Variants in MUC6 observed in about 807,000 individuals in gnomAD.
The protein encoded by MUC6 is mucin 6, oligomeric mucus/gel-forming (gene/pseudogene).
MUC6 carries 188 observed loss-of-function variants against 201.5 expected under a neutral mutation model. The ratio of observed to expected loss-of-function variants is 0.93; its 90% CI spans 0.83 to 1.05. The LOEUF is 1.05. Among genes scored for constraint, MUC6 ranks in the 50% least tolerant of loss-of-function variants. MUC6 has a pLI of 0.00. For synonymous variants in MUC6, 1,228 were observed against 1,389.4 expected, an observed-to-expected ratio of 0.88 and a Z score of 2.58; for missense variants, 2,706 against 3,256.9, an observed-to-expected ratio of 0.83 and a Z score of 4.12.
At chr11:1,028,481 C>A in intron 13 of MUC6, 94 bp from the exon 14 acceptor site, 1 of 1,549,258 alleles carries the variant, frequency 6.5e-7, no homozygotes, top group Admixed American at 1.8e-5. Flanking sequence ...CCTCTAACAG[C>A]ACCCTGGGTG....
In MUC6 at chr11:1,028,715, C is replaced by A; in HGVS notation, c.1522G>T (p.Val508Leu). 6.2e-7 allele frequency: 1 copy of A among 1,612,076 alleles called. No homozygotes were observed. Among genetic ancestry groups the A allele is most frequent in the Non-Finnish European group, 8.5e-7 (1 of 1,179,576 alleles). Residue 508 changes from valine (V) to leucine (L), a missense_variant, in exon 13 of 33, where the codon GTG (valine) becomes TTG (leucine). This residue lies in a region of MUC6 where 1,850 missense variants were observed against 1,958.3 expected (regional missense o/e 0.94). Coordinates refer to ENST00000421673, the MANE Select transcript of MUC6 (RefSeq NM_005961.3). ...QMATSFGLELVVQLRPIFQAY... is the reference protein window; with the variant it reads ...QMATSFGLELLVQLRPIFQAY... ...TGGAAGATGGGGCGCAGCTGGACCA[C>A]GAGCTCCAGCCCGAAGCTGGTGGCC...
In MUC6 at chr11:1,029,602, A is replaced by C. The variant is rs374465099; in HGVS notation, c.1029T>G (p.Asn343Lys). The C allele has an allele frequency of 1.4e-5, 23 of 1,594,910 alleles. No homozygotes were observed. Among genetic ancestry groups the C allele is most frequent in the Non-Finnish European group, 2.0e-5 (23 of 1,168,586 alleles). ...GCFCPEGTVL[N>K]DLSNNHTCVP... ...CGCAGGTGTGGTTATTGGAGAGGTC[A>C]TTCAGGACCGTACCTGCAGGAGAGG... The change falls in exon 9 of 33, where the codon AAT becomes AAG. Residue 343 changes from asparagine (N) to lysine (K), a missense_variant. By Grantham distance (94) the Asn-to-Lys change is moderately conservative (BLOSUM62 0). Transcript: ENST00000421673.
rs1453182750 is a variant in MUC6 at position 1,016,473 on chromosome 11, G to C, written c.6328C>G (p.Gln2110Glu). The change falls in exon 31 of 33, where the codon CAA (glutamine) becomes GAA (glutamate). Residue 2110 changes from glutamine (Q) to glutamate (E), a missense_variant. Gln to Glu is a conservative substitution (Grantham distance 29, BLOSUM62 2). Around this residue, in one of 10 missense-constraint regions of MUC6, gnomAD observed 586 missense variants for 488.0 expected, o/e 1.20. Transcript: ENST00000421673. ...SRPPSSPITT[Q>E]LPHLSSATTP... ...GTTGCAGAACTCAAGTGGGGGAGTT[G>C]TGTGGTGATAGGTGATGACGGTGGC... is the stretch of plus-strand genomic sequence containing the variant. The C allele has an allele frequency of 3.1e-6, 5 of 1,613,580 alleles. No homozygotes were observed. Among genetic ancestry groups the C allele is most frequent in the South Asian group, 1.1e-5 (1 of 91,056 alleles).
intron 31 of MUC6, 35 bp from the exon 32 acceptor site, chr11:1,014,036 G>A (rs1447172868): frequency 1.9e-6 from 3 of 1,557,394 alleles, no homozygotes; most frequent in East Asian, 2.3e-5. Flanking sequence ...AGCGCCCAGG[G>A]TGGGCATGGA....
At chr11:1,022,433 C>A (rs1214640146) in intron 26 of MUC6, among the ~76,000 whole-genome samples, 3 of 152,238 alleles carry the variant, frequency 2.0e-5, no homozygotes, top group African/African-American at 7.2e-5. Context: ...CACAAGGCTG[C>A]TCCTGGCTGC....
chr11:1,033,758 G>A lies in MUC6; in HGVS notation c.53-683C>T, dbSNP rs1356960272. 6.6e-6 allele frequency among the ~76,000 whole-genome samples: 1 copy of A among 151,974 alleles called. No individual in the cohort carries two copies. Among genetic ancestry groups the A allele is most frequent in the East Asian group, 1.9e-4 (1 of 5,178 alleles). ...ACGTCCCACCCCCTGTACCCAGAGGGAGACTTTTCCCACCTCTGGGTAACT... is the reference window on the plus strand; with the variant it reads ...ACGTCCCACCCCCTGTACCCAGAGGAAGACTTTTCCCACCTCTGGGTAACT... On this transcript the variant is annotated intron_variant, in intron 1 of 32. Coordinates refer to ENST00000421673, the MANE Select transcript of MUC6 (RefSeq NM_005961.3). This position sits in a 1 kb window ranked among gnomAD's most constrained non-coding sequence, Gnocchi z 5.6.
In MUC6 at chr11:1,025,215, C is replaced by A. The variant is rs1856926153; in HGVS notation, c.2952G>T (p.Met984Ile). ...CACGGGCGATCCTGATGAGGATGGTCATGTGCCTGTTCCAGATGAGCGTCA... is the reference window on the plus strand; with the variant it reads ...CACGGGCGATCCTGATGAGGATGGTAATGTGCCTGTTCCAGATGAGCGTCA... The part of the protein sequence containing the change: ...YNLTLIWNRH[M>I]TILIRIARAS... The change falls in exon 23 of 33, where the codon ATG becomes ATT. Residue 984 changes from methionine (M) to isoleucine (I), a missense_variant. Transcript: ENST00000421673. The A allele has an allele frequency of 1.9e-6, 3 of 1,612,668 alleles. No homozygotes were observed. Among genetic ancestry groups the A allele is most frequent in the Non-Finnish European group, 2.5e-6 (3 of 1,179,826 alleles).
At chr11:1,013,800 T>C in intron 32 of MUC6, 99 bp downstream of exon 32, 1 of 1,413,192 alleles carries the variant, frequency 7.1e-7, no homozygotes, top group Non-Finnish European at 9.7e-7. Context: ...GCTCACCTGA[T>C]GGGGCAGCAG....
chr11:1,025,124 A>G (rs779539069), intron 23 of MUC6, 41 bp from the exon 24 acceptor site: 2 of 1,612,062 alleles, frequency 1.2e-6, no homozygotes, highest in Non-Finnish European at 1.7e-6. Context: ...GGGCCGTGCC[A>G]TCTGTCTCCA....
chr11:1,022,998 ATG>A (rs758427565), intron 26 of MUC6, among the ~76,000 whole-genome samples: 5 of 151,780 alleles, frequency 3.3e-5, no homozygotes, highest in Admixed American at 6.6e-5. Context: ...GGGTGAGTAA[ATG>A]TGTGAATGAG....
intron 13 of MUC6, 72 bp from the exon 14 acceptor site, chr11:1,028,459 G>A: frequency 6.4e-7 from 1 of 1,571,296 alleles, no homozygotes; most frequent in Non-Finnish European, 8.6e-7. Context: ...ACGCCCTGGA[G>A]CTCCCGTCCT....
chr11:1,029,439 C>T, intron 9 of MUC6, 56 bp downstream of exon 9: 1 of 1,604,924 alleles, frequency 6.2e-7, no homozygotes, highest in South Asian at 1.1e-5. Flanking sequence ...CCTGCCTGCC[C>T]TAGGCCAGTG....
rs1021641183 is a variant in MUC6 at position 1,030,069 on chromosome 11, C to G, written c.1015+144G>C. 1.8e-5 allele frequency: 20 copies of G among 1,126,204 alleles called. No individual in the cohort carries two copies. In the African/African-American group the frequency reaches 2.7e-4, roughly 15 times the overall value. The allele number at this position is 1,126,204 out of a possible 1,614,324, so 69.8% of individuals were successfully genotyped here. The stretch of plus-strand genomic sequence containing the variant: ...AGCGTCCAGGCGGGAAAAGCCTGTC[C>G]CAGGGCAAGAGGCGCCAGAGCTGGG... On this transcript the variant is annotated intron_variant, in intron 8 of 32. Coordinates refer to ENST00000421673, the MANE Select transcript of MUC6 (RefSeq NM_005961.3).
chr11:1,021,266 A>C lies in MUC6; in HGVS notation c.3538T>G (p.Cys1180Gly). ...PGSNIEGCYN[C>G]SQDEYFDHEE... ...TGGTCGAAGTACTCATCCTGGGAGCAGTTGTAGCAGCCTAGGGTGGAGAAC... is the reference window on the plus strand; with the variant it reads ...TGGTCGAAGTACTCATCCTGGGAGCCGTTGTAGCAGCCTAGGGTGGAGAAC... Residue 1180 changes from cysteine to glycine, a missense_variant, in exon 27 of 33, where the codon TGC becomes GGC. Transcript: ENST00000421673. 2 of 1,582,954 alleles carry C rather than the reference A, an allele frequency of 1.3e-6. No homozygotes were observed. The highest frequency in any genetic ancestry group is 1.7e-6 in the Non-Finnish European group (2 of 1,165,592).
rs557456272 is a variant in MUC6, at chr11:1,013,896, C to T, written c.7142+3G>A. On this transcript the variant is annotated splice_donor_region_variant and intron_variant, in intron 32 of 32. Coordinates refer to ENST00000421673, the MANE Select transcript of MUC6 (RefSeq NM_005961.3). ...GGGGCAGGCCTCCCACCTGTGGACTCACCTGGCAGCGGAAATGCAGGCGCC... is the reference window on the plus strand; with the variant it reads ...GGGGCAGGCCTCCCACCTGTGGACTTACCTGGCAGCGGAAATGCAGGCGCC... 2 of 1,601,600 alleles carry T rather than the reference C, an allele frequency of 1.2e-6. No individual in the cohort carries two copies. Among genetic ancestry groups the T allele is most frequent in the Admixed American group, 1.7e-5 (1 of 58,694 alleles).
At chr11:1,026,195 G>A (rs1856955132) in intron 20 of MUC6, 54 bp from the exon 21 acceptor site, 4 of 1,557,402 alleles carry the variant, frequency 2.6e-6, no homozygotes, top group Non-Finnish European at 3.5e-6. Flanking sequence ...GCCATACTGG[G>A]TGTGGTCCCT....
intron 13 of MUC6, 101 bp from the exon 14 acceptor site, chr11:1,028,488 G>A: frequency 6.5e-7 from 1 of 1,542,828 alleles, no homozygotes; most frequent in Middle Eastern, 1.7e-4. Flanking sequence ...CAGCACCCTG[G>A]GTGAGAGGCT....
chr11:1,020,955 G>T (rs1856792880), intron 27 of MUC6, among the ~76,000 whole-genome samples: 1 of 152,172 alleles, frequency 6.6e-6, no homozygotes. Flanking sequence ...AGGGTAGGGG[G>T]AGCTGGGAGC....
At chr11:1,030,047 G>A (rs1033888291) in intron 8 of MUC6, among the ~76,000 whole-genome samples, 166 bp downstream of exon 8, 5 of 152,034 alleles carry the variant, frequency 3.3e-5, no homozygotes, top group African/African-American at 7.2e-5. Context: ...GGCTGTAAGC[G>A]TCCAGGCGGG....
Sources: gnomAD v4.1 joint callset for allele counts (sites outside exome capture counted in the v4.1 genomes callset) on GRCh38, gnomAD v4.1.1 for gene constraint, gnomAD v4.1.1 regional missense constraint, Gnocchi (gnomAD v3.1) non-coding constraint, MANE v1.5 for transcripts, NCBI Gene and HGNC (gene_info 2026-07-23, HGNC 2026-07-21) for gene names.